HADH: variants seen among roughly 807,000 people sequenced by gnomAD.
The protein encoded by HADH is hydroxyacyl-CoA dehydrogenase.
In HADH, 24 loss-of-function variants were observed where a neutral mutation model predicts 32.2. The observed-to-expected ratio is 0.75, with a 90% CI of 0.54 to 1.05. The LOEUF is 1.05. Among genes scored for constraint, HADH ranks in the 50% least tolerant of loss-of-function variants. The pLI, the probability that HADH is intolerant of heterozygous loss-of-function variation, is 0.00. For missense variants in HADH, 350 were observed against 397.1 expected (o/e 0.88, Z 1.01); for synonymous variants, 139 against 152.5 (o/e 0.91, Z 0.65).
intron 6 of HADH, chr4:108,031,116 GT>G (rs529655748): frequency 4.6e-5 from 7 of 152,316 alleles, no homozygotes; most frequent in African/African-American, 1.7e-4. Flanking sequence ...TCAGATTTCT[GT>G]CCCAGGGAGA....
At chr4:108,010,574 G>A (rs1200149894) in intron 2 of HADH, among the ~76,000 whole-genome samples, 1 of 152,172 alleles carries the variant, frequency 6.6e-6, no homozygotes, top group East Asian at 1.9e-4. Flanking sequence ...GCTGTATGCA[G>A]CCAGAGAAAA....
intron 1 of HADH, among the ~76,000 whole-genome samples, chr4:107,998,321 C>G (rs1735015602): frequency 6.6e-6 from 1 of 152,162 alleles, no homozygotes; most frequent in South Asian, 2.1e-4. Flanking sequence ...TCTCTATCAC[C>G]CAGGCTAGAG....
At position 108,023,500 on chromosome 4, in the gene HADH, G is replaced by A. The variant is rs1305490507; in HGVS notation, c.573G>A (p.Gln191=). 2 of 1,612,096 alleles carry A rather than the reference G, an allele frequency of 1.2e-6. No homozygotes were observed. Among genetic ancestry groups the A allele is most frequent in the Non-Finnish European group, 1.7e-6 (2 of 1,178,246 alleles). The change falls in exon 5 of 8, where the codon CAG becomes CAA. Residue 191 remains glutamine, a synonymous_variant. Coordinates refer to ENST00000309522, the MANE Select transcript of HADH (RefSeq NM_005327.7). ...TCATTAAAACACCAATGACCAGCCA[G>A]AAGACATTTGAATCTTTGGTAGACT... ...VEVIKTPMTS[Q]KTFESLVDFS...
chr4:108,005,268 C>T (rs2126223910), intron 1 of HADH: 1 of 175,112 alleles, frequency 5.7e-6, no homozygotes, highest in East Asian at 1.5e-4. Flanking sequence ...AATGTTTCAT[C>T]ACTAACGAGA....
chr4:108,031,580 T>A (rs1736263645), intron 6 of HADH: 1 of 152,274 alleles, frequency 6.6e-6, no homozygotes, highest in Admixed American at 6.5e-5. Context: ...ATGCCCTTCC[T>A]GGTCTGCTCA....
intron 6 of HADH, chr4:108,032,407 G>A (rs1736303616): frequency 6.8e-7 from 1 of 1,467,542 alleles, no homozygotes; most frequent in Non-Finnish European, 9.5e-7. Flanking sequence ...TGTGTGAAAT[G>A]TGATGCCAGG....
Position 108,034,929 on chromosome 4 carries a change from ATC to A in HADH, c.*576_*577del, listed in dbSNP as rs1560742586. On this transcript the variant is annotated 3_prime_UTR_variant, in exon 8 of 8. Transcript: ENST00000309522. ...ATGCTGCTGCTGAATGGGTCAGCAT[ATC>A]TCTGTTTGCATGGTTTGCAGGAGGT... is the stretch of plus-strand genomic sequence containing the variant. 5.6e-6 allele frequency: 1 copy of A among 179,286 alleles called. No individual in the cohort carries two copies. Among genetic ancestry groups the A allele is most frequent in the Non-Finnish European group, 1.2e-5 (1 of 82,700 alleles). 11.1% of individuals were successfully genotyped at this position (179,286 alleles called of 1,614,324 possible). A position where few individuals can be genotyped will look rare whatever the true frequency, so the allele number is the denominator to read the frequency against.
In HADH at chr4:108,034,997, ACTGT is replaced by A. The variant is rs1201168011; in HGVS notation, c.*649_*652del. The A allele has an allele frequency of 7.7e-5, 12 of 155,432 alleles. No homozygotes were observed. The highest frequency in any genetic ancestry group is 1.2e-4 in the Admixed American group (2 of 16,168). 9.6% of individuals were successfully genotyped at this position (155,432 alleles called of 1,614,324 possible). On this transcript the variant is annotated 3_prime_UTR_variant, in exon 8 of 8. Coordinates refer to ENST00000309522, the MANE Select transcript of HADH (RefSeq NM_005327.7). ...TTCAGTTCCACAGATCTGAATGATT[ACTGT>A]CTGTCTGTGTCTTTTTTCCATGAGA... is the stretch of plus-strand genomic sequence containing the variant.
Position 108,034,499 on chromosome 4 carries a change from G to T in HADH, c.*142G>T. 2.8e-6 allele frequency: 2 copies of T among 727,128 alleles called. No homozygotes were observed. The highest frequency in any genetic ancestry group is 5.1e-6 in the Non-Finnish European group (2 of 389,192). 45.0% of individuals were successfully genotyped at this position (727,128 alleles called of 1,614,324 possible). On this transcript the variant is annotated 3_prime_UTR_variant, in exon 8 of 8. Coordinates refer to ENST00000309522, the MANE Select transcript of HADH (RefSeq NM_005327.7). ...ATGTGCATTTTGATTGTAATCTATC[G>T]AAGTGATTATTACACCAGTTACAGC...
chr4:108,008,506 C>T (rs1219765470), intron 1 of HADH, among the ~76,000 whole-genome samples: 2 of 152,160 alleles, frequency 1.3e-5, no homozygotes, highest in African/African-American at 2.4e-5. Flanking sequence ...ACGTCTTTGC[C>T]TTTAGGTTTT....
chr4:108,022,886 C>T (rs1408357475), intron 4 of HADH, among the ~76,000 whole-genome samples: 1 of 152,158 alleles, frequency 6.6e-6, no homozygotes, highest in Non-Finnish European at 1.5e-5. Context: ...CAACTGAACC[C>T]AGGCTTGTCT....
intron 3 of HADH, among the ~76,000 whole-genome samples, chr4:108,017,823 A>G (rs1487287827): frequency 6.6e-6 from 1 of 152,178 alleles, no homozygotes; most frequent in Admixed American, 6.6e-5. Flanking sequence ...TGCTGGTATT[A>G]CAAGTGTGAG....
chr4:108,023,465 C>T lies in HADH; in HGVS notation c.547-9C>T. On this transcript the variant is annotated splice_polypyrimidine_tract_variant and intron_variant, in intron 4 of 7. Transcript: ENST00000309522. ...ACTCTGGTCATAATTCTCTGCTTTG[C>T]ATTTCCAGGTCATTAAAACACCAAT... is the stretch of plus-strand genomic sequence containing the variant. The T allele has an allele frequency of 6.4e-7, 1 of 1,566,042 alleles. No individual in the cohort carries two copies. The highest frequency in any genetic ancestry group is 8.8e-7 in the Non-Finnish European group (1 of 1,135,932).
intron 1 of HADH, among the ~76,000 whole-genome samples, 161 bp from the exon 2 acceptor site, chr4:108,009,598 A>C (rs1301296779): frequency 6.6e-6 from 1 of 152,196 alleles, no homozygotes; most frequent in Non-Finnish European, 1.5e-5. Flanking sequence ...GTGTGTGTTT[A>C]GTTAATGTTG....
intron 1 of HADH, 22 bp from the exon 2 acceptor site, chr4:108,009,737 A>G: frequency 1.9e-6 from 3 of 1,612,540 alleles, no homozygotes; most frequent in Non-Finnish European, 2.5e-6. Flanking sequence ...TTTAAAAAGA[A>G]ATTGTTCTTT....
intron 1 of HADH, among the ~76,000 whole-genome samples, chr4:107,995,140 T>G (rs1487360894): frequency 1.3e-5 from 2 of 152,090 alleles, no homozygotes; most frequent in African/African-American, 4.8e-5. Context: ...TCTCTGTGGC[T>G]CCCCCTGTTA....
intron 1 of HADH, among the ~76,000 whole-genome samples, chr4:108,002,084 A>G (rs546163082): frequency 6.6e-6 from 1 of 152,282 alleles, no homozygotes; most frequent in East Asian, 1.9e-4. Flanking sequence ...GCTTAGTGCC[A>G]TTTAAAGGGG....
Position 108,027,797 on chromosome 4 carries a change from A to T in HADH, c.709+37A>T. The T allele has an allele frequency of 1.3e-5, 16 of 1,196,252 alleles. No homozygotes were observed. The highest frequency in any genetic ancestry group is 2.3e-5 in the East Asian group (1 of 43,068). The allele number at this position is 1,196,252 out of a possible 1,614,324, so 74.1% of individuals were successfully genotyped here. On this transcript the variant is annotated intron_variant, in intron 6 of 7. Coordinates refer to ENST00000309522, the MANE Select transcript of HADH (RefSeq NM_005327.7). Reference sequence around the variant, plus strand: ...ACCCAGGCCAGGAGCAGCAGACCTCAGCTCCTGGCGCCACTGTCTGGAATT... The same window carrying T: ...ACCCAGGCCAGGAGCAGCAGACCTCTGCTCCTGGCGCCACTGTCTGGAATT...
chr4:108,003,515 T>C (rs992057273), intron 1 of HADH, among the ~76,000 whole-genome samples: 7 of 152,086 alleles, frequency 4.6e-5, no homozygotes, highest in African/African-American at 1.7e-4. Context: ...TCTCCACATA[T>C]CACCATGCCA....
Sources: gnomAD v4.1 joint callset for allele counts (sites outside exome capture counted in the v4.1 genomes callset) on GRCh38, gnomAD v4.1.1 for gene constraint, MANE v1.5 for transcripts, NCBI Gene and HGNC (gene_info 2026-07-23, HGNC 2026-07-21) for gene names.